GRK6: variants seen among roughly 807,000 people sequenced by gnomAD.
The protein encoded by GRK6 is G protein-coupled receptor kinase 6.
In GRK6, 37 loss-of-function variants were observed where a neutral mutation model predicts 80.8. The observed-to-expected ratio is 0.46, with a 90% CI of 0.35 to 0.60. The LOEUF (loss-of-function observed/expected upper bound fraction) is 0.60. Among genes scored for constraint, GRK6 ranks in the 20% least tolerant of loss-of-function variants. The pLI, the probability that GRK6 is intolerant of heterozygous loss-of-function variation, is 0.00. For synonymous variants in GRK6, 295 were observed against 320.9 expected, an observed-to-expected ratio of 0.92 and a Z score of 0.86; for missense variants, 560 against 784.6, an observed-to-expected ratio of 0.71 and a Z score of 3.42.
chr5:177,435,284 C>T (rs1188755607), intron 11 of GRK6, among the ~76,000 whole-genome samples, 163 bp downstream of exon 11: 3 of 152,266 alleles, frequency 2.0e-5, no homozygotes, highest in Admixed American at 1.3e-4. Context: ...AAGACTCAGC[C>T]GGGGCCGCAC....
chr5:177,440,107 A>G (rs756618067), intron 13 of GRK6: 1 of 153,336 alleles, frequency 6.5e-6, no homozygotes, highest in Non-Finnish European at 1.5e-5. Context: ...TTTCCAAAGC[A>G]GCTGTACCAT....
At chr5:177,434,691 TC>T (rs1764062393) in intron 9 of GRK6, among the ~76,000 whole-genome samples, 1 of 151,972 alleles carries the variant, frequency 6.6e-6, no homozygotes, top group South Asian at 2.1e-4. Context: ...ATCTAGAGAG[TC>T]CTGGGAGTCC....
At position 177,440,769 on chromosome 5, in the gene GRK6, G is replaced by C. The variant is rs778221007; in HGVS notation, c.1474G>C (p.Glu492Gln). 3.7e-6 allele frequency: 6 copies of C among 1,614,082 alleles called. No homozygotes were observed. Among genetic ancestry groups the C allele is most frequent in the Non-Finnish European group, 5.1e-6 (6 of 1,180,030 alleles). Residue 492 changes from glutamate (E) to glutamine (Q), a missense_variant, in exon 14 of 16, where the codon GAG (glutamate) becomes CAG (glutamine). This residue lies in a region of GRK6 where 294 missense variants were observed against 397.4 expected (regional missense o/e 0.74). Coordinates refer to ENST00000355472, the MANE Select transcript of GRK6 (RefSeq NM_001004106.3). ...QFSTVKGVELEPTDQDFYQKF... is the reference protein window; with the variant it reads ...QFSTVKGVELQPTDQDFYQKF... Reference sequence around the variant, plus strand: ...CTCTACGGTCAAGGGCGTGGAGCTGGAGCCTACCGACCAGGACTTCTACCA... The same window carrying C: ...CTCTACGGTCAAGGGCGTGGAGCTGCAGCCTACCGACCAGGACTTCTACCA...
At position 177,435,092 on chromosome 5, in the gene GRK6, A is replaced by G. The variant is rs1161225469; in HGVS notation, c.1028A>G (p.Lys343Arg). ...AVHVPEGQTI[K>R]GRVGTVGYMA... ...CATGTGCCCGAGGGCCAGACCATCAAAGGGCGTGTGGGCACCGTGGGTTAC... is the reference window on the plus strand; with the variant it reads ...CATGTGCCCGAGGGCCAGACCATCAGAGGGCGTGTGGGCACCGTGGGTTAC... Residue 343 changes from lysine (K) to arginine (R), a missense_variant, in exon 11 of 16, where the codon AAA becomes AGA. By Grantham distance (26) the Lys-to-Arg change is conservative. Transcript: ENST00000355472. The G allele has an allele frequency of 1.2e-6, 2 of 1,610,902 alleles. No homozygotes were observed. Among genetic ancestry groups the G allele is most frequent in the Non-Finnish European group, 1.7e-6 (2 of 1,178,946 alleles).
rs774486087 is a variant in GRK6 at position 177,434,119 on chromosome 5, G to C, written c.929+15G>C. On this transcript the variant is annotated intron_variant, in intron 9 of 15. Transcript: ENST00000355472. ...ATCGTGTACAGGTGGGGAGGGCTCG[G>C]CCACCCCAGGGGCTTAGTCCTTCCC... The C allele has an allele frequency of 6.5e-7, 1 of 1,539,456 alleles. No homozygotes were observed. Among genetic ancestry groups the C allele is most frequent in the Non-Finnish European group, 8.7e-7 (1 of 1,143,918 alleles).
At chr5:177,441,465 G>A (rs1474316145) in intron 15 of GRK6, 3 of 644,650 alleles carry the variant, frequency 4.7e-6, no homozygotes, top group South Asian at 1.9e-5. Flanking sequence ...CCCCAGGGGA[G>A]AGGGCTGGGC....
intron 13 of GRK6, chr5:177,436,825 G>A (rs1275703969): frequency 1.2e-5 from 5 of 430,292 alleles, no homozygotes; most frequent in Non-Finnish European, 1.6e-5. Context: ...CCCATGGTGC[G>A]GCAGCAGTGG....
At position 177,441,796 on chromosome 5, in the gene GRK6, A is replaced by G; in HGVS notation, c.*6A>G. Reference sequence around the variant, plus strand: ...AGCTCCCCACCCGCCTCTAGCCCCCAGCCCGAGGCCCCCACCAGCAGTTGG... The same window carrying G: ...AGCTCCCCACCCGCCTCTAGCCCCCGGCCCGAGGCCCCCACCAGCAGTTGG... On this transcript the variant is annotated 3_prime_UTR_variant, in exon 16 of 16. Coordinates refer to ENST00000355472, the MANE Select transcript of GRK6 (RefSeq NM_001004106.3). The G allele has an allele frequency of 1.2e-6, 2 of 1,611,242 alleles. No homozygotes were observed. The highest frequency in any genetic ancestry group is 1.7e-6 in the Non-Finnish European group (2 of 1,178,024).
At position 177,432,060 on chromosome 5, in the gene GRK6, G is replaced by A. The variant is rs1561653552; in HGVS notation, c.214G>A (p.Ala72Thr). 1 of 1,613,052 alleles carries A rather than the reference G, an allele frequency of 6.2e-7. No individual in the cohort carries two copies. Among genetic ancestry groups the A allele is most frequent in the South Asian group, 1.1e-5 (1 of 91,052 alleles). The part of the protein sequence containing the change: ...IGRLLFREFC[A>T]TRPELSRCVA... ...GCGCCTGCTGTTCCGAGAGTTCTGTGCCACGAGGCCGGAGCTGAGCCGCTG... is the reference window on the plus strand; with the variant it reads ...GCGCCTGCTGTTCCGAGAGTTCTGTACCACGAGGCCGGAGCTGAGCCGCTG... The change falls in exon 3 of 16, where the codon GCC becomes ACC. Residue 72 changes from alanine (A) to threonine (T), a missense_variant. Around this residue, in one of 3 missense-constraint regions of GRK6, gnomAD observed 189 missense variants for 230.2 expected, o/e 0.82. Coordinates refer to ENST00000355472, the MANE Select transcript of GRK6 (RefSeq NM_001004106.3).
intron 13 of GRK6, 185 bp downstream of exon 13, chr5:177,436,715 C>A: frequency 1.6e-6 from 1 of 616,116 alleles, no homozygotes; most frequent in Non-Finnish European, 2.8e-6. Flanking sequence ...TTGTGGCATG[C>A]CTGGATGGGG....
At position 177,434,946 on chromosome 5, in the gene GRK6, A is replaced by T; in HGVS notation, c.967+7A>T. ...ATCTTGCTGGATGACCACGGTGTGT[A>T]AGGGTGCCTGGGGTGGGTCAGGGTG... On this transcript the variant is annotated splice_region_variant and intron_variant, in intron 10 of 15. Coordinates refer to ENST00000355472, the MANE Select transcript of GRK6 (RefSeq NM_001004106.3). The T allele has an allele frequency of 6.2e-7, 1 of 1,608,058 alleles. No homozygotes were observed. The highest frequency in any genetic ancestry group is 8.5e-7 in the Non-Finnish European group (1 of 1,175,112).
At chr5:177,433,716 C>G (rs1178246032) in intron 8 of GRK6, 40 bp downstream of exon 8, 2 of 1,607,310 alleles carry the variant, frequency 1.2e-6, no homozygotes, top group African/African-American at 1.3e-5. Flanking sequence ...CTTGGCCACA[C>G]TGGCGCACCG....
At position 177,440,681 on chromosome 5, in the gene GRK6, G is replaced by A. The variant is rs375228737; in HGVS notation, c.1405-19G>A. ...GCGTGTGTGTGTTTCCTATCTGACC[G>A]TTGCCTCTGTCCCACCAGCCCCAGG... On this transcript the variant is annotated intron_variant, in intron 13 of 15. Coordinates refer to ENST00000355472, the MANE Select transcript of GRK6 (RefSeq NM_001004106.3). 1.5e-4 allele frequency: 247 copies of A among 1,612,822 alleles called. 2 individuals are homozygous for A. In the African/African-American group the frequency reaches 3.0e-3, roughly 19 times the overall value.
At position 177,436,264 on chromosome 5, in the gene GRK6, C is replaced by T. The variant is rs543441456; in HGVS notation, c.1249C>T (p.Arg417Cys). Residue 417 changes from arginine to cysteine, a missense_variant, in exon 12 of 16, where the codon CGC (arginine) becomes TGC (cysteine). By Grantham distance (180) the Arg-to-Cys change is radical (BLOSUM62 -3). Transcript: ENST00000355472. ...EYSERFSPQA[R>C]SLCSQLLCKD... is the part of the protein sequence containing the mutation. ...TTCCGAGCGCTTTTCCCCGCAGGCC[C>T]GCTCACTTTGCTCACAGGTACGGCA... The T allele has an allele frequency of 2.6e-5, 42 of 1,614,120 alleles. No individual in the cohort carries two copies. The highest frequency in any genetic ancestry group is 8.8e-5 in the South Asian group (8 of 91,088).
At chr5:177,434,286 T>C (rs1014704759) in intron 9 of GRK6, among the ~76,000 whole-genome samples, 182 bp downstream of exon 9, 4 of 152,194 alleles carry the variant, frequency 2.6e-5, no homozygotes, top group African/African-American at 9.6e-5. Flanking sequence ...ACCTAGGCTT[T>C]GGGCTCTGCT....
chr5:177,440,843 G>T lies in GRK6; in HGVS notation c.1542+6G>T. 1 of 1,613,948 alleles carries T rather than the reference G, an allele frequency of 6.2e-7. No homozygotes were observed. The highest frequency in any genetic ancestry group is 8.5e-7 in the Non-Finnish European group (1 of 1,179,974). ...CCATCCCCTGGCAGAACGAGGTGGG[G>T]GCCTGCCCTGCTGGTGGGGTGGGCT... is the stretch of plus-strand genomic sequence containing the variant. On this transcript the variant is annotated splice_donor_region_variant and intron_variant, in intron 14 of 15. Transcript: ENST00000355472.
intron 2 of GRK6, 146 bp downstream of exon 2, chr5:177,431,113 A>G (rs1363849492): frequency 9.1e-6 from 6 of 662,200 alleles, no homozygotes; most frequent in Non-Finnish European, 1.6e-5. Context: ...CATTCAGCCC[A>G]GTTTCAGTTC....
At chr5:177,439,749 A>T (rs1384260017) in intron 13 of GRK6, among the ~76,000 whole-genome samples, 2 of 152,014 alleles carry the variant, frequency 1.3e-5, no homozygotes, top group Non-Finnish European at 2.9e-5. Context: ...TACTCTGGAC[A>T]TGTCATAGCT....
At chr5:177,440,334 C>T (rs1184851920) in intron 13 of GRK6, among the ~76,000 whole-genome samples, 3 of 152,196 alleles carry the variant, frequency 2.0e-5, no homozygotes, top group Admixed American at 2.0e-4. Flanking sequence ...GAGTCACCAG[C>T]TCCAGGCTCT....
Sources: allele counts gnomAD v4.1 joint callset (sites outside exome capture counted in the v4.1 genomes callset), GRCh38; gene constraint gnomAD v4.1.1; regional missense constraint gnomAD v4.1.1; transcripts MANE v1.5; gene names NCBI Gene and HGNC (gene_info 2026-07-23, HGNC 2026-07-21).